Variants in P4HA2 observed in about 807,000 individuals in gnomAD.
P4HA2 encodes the protein prolyl 4-hydroxylase subunit alpha-2.
A neutral mutation model predicts 76.9 loss-of-function variants in P4HA2; 46 were observed. The observed-to-expected ratio is 0.60, with a 90% CI of 0.47 to 0.76. The LOEUF is 0.76. Among genes scored for constraint, P4HA2 ranks in the 30% least tolerant of loss-of-function variants. The pLI is 0.00. For synonymous variants in P4HA2, 243 were observed against 254.0 expected, an observed-to-expected ratio of 0.96 and a Z score of 0.41; for missense variants, 583 against 669.4, an observed-to-expected ratio of 0.87 and a Z score of 1.42.
chr5:132,195,229 T>G (rs1459222311), intron 13 of P4HA2, 183 bp downstream of exon 13: 4 of 646,426 alleles, frequency 6.2e-6, no homozygotes, highest in South Asian at 5.5e-5. Context: ...CACCCGCCCC[T>G]GAAGGGACTT....
intron 8 of P4HA2, 130 bp from the exon 9 acceptor site, chr5:132,204,282 T>A: frequency 1.4e-6 from 1 of 738,900 alleles, no homozygotes; most frequent in Non-Finnish European, 2.3e-6. Flanking sequence ...CCAATGGCTC[T>A]AGCCAAGGCC....
At chr5:132,211,034 AACAG>A (rs1299515708) in intron 5 of P4HA2, among the ~76,000 whole-genome samples, 1 of 152,250 alleles carries the variant, frequency 6.6e-6, no homozygotes, top group African/African-American at 2.4e-5. Flanking sequence ...ACCCAGAAAG[AACAG>A]ACAATGAATA....
chr5:132,209,170 C>T lies in P4HA2; in HGVS notation c.871G>A (p.Glu291Lys), dbSNP rs758872875. 1.2e-5 allele frequency: 19 copies of T among 1,613,816 alleles called. No homozygotes were observed. In the East Asian group the frequency reaches 2.7e-4, roughly 23 times the overall value. Residue 291 changes from glutamate to lysine, a missense_variant, in exon 7 of 15, where the codon GAG becomes AAG. Physicochemically the swap from Glu to Lys is moderately conservative, Grantham distance 56. Transcript: ENST00000360568. Reference sequence around the variant, plus strand: ...ACACCCTCCCCACGACAGAGGCTCTCGTAAACATCCCTCTCAGGCAGGTAG... The same window carrying T: ...ACACCCTCCCCACGACAGAGGCTCTTGTAAACATCCCTCTCAGGCAGGTAG... ...VDYLPERDVY[E>K]SLCRGEGVKL... is the part of the protein sequence containing the mutation.
intron 1 of P4HA2, among the ~76,000 whole-genome samples, chr5:132,223,819 C>T (rs927340207): frequency 6.6e-6 from 1 of 152,224 alleles, no homozygotes; most frequent in Admixed American, 6.5e-5. Flanking sequence ...TCCTACATAT[C>T]TGACATCTGA....
intron 13 of P4HA2, 74 bp downstream of exon 13, chr5:132,195,338 T>C (rs1750475601): frequency 4.5e-6 from 5 of 1,105,324 alleles, no homozygotes; most frequent in East Asian, 4.7e-5. Context: ...GGCCAGGTAA[T>C]GGTACTGGGG....
Position 132,210,391 on chromosome 5 carries a change from TCCTC to T in P4HA2, c.598_601del (p.Glu200ArgfsTer62). ...CACCTGTGACTTGGTTGTGGTGGCC[TCCTC>T]CCCGGCATCAAGCTGCTTTAGCACC... On this transcript the variant is annotated frameshift_variant, in exon 6 of 15. Transcript: ENST00000360568. LOFTEE classifies it high-confidence loss of function. 1 of 1,614,054 alleles carries T rather than the reference TCCTC, an allele frequency of 6.2e-7. No homozygotes were observed. Among genetic ancestry groups the T allele is most frequent in the East Asian group, 2.2e-5 (1 of 44,876 alleles).
Position 132,192,662 on chromosome 5 carries a change from G to C in P4HA2, c.*348C>G. 1 of 206,228 alleles carries C rather than the reference G, an allele frequency of 4.8e-6. No individual in the cohort carries two copies. Among genetic ancestry groups the C allele is most frequent in the Admixed American group, 5.9e-5 (1 of 17,084 alleles). 12.8% of individuals were successfully genotyped at this position (206,228 alleles called of 1,614,324 possible). ...TTTTTTGGTAAAGCCACAATAGATA[G>C]AAATGCCATAAAAACAAACATGTAA... On this transcript the variant is annotated 3_prime_UTR_variant, in exon 15 of 15. Coordinates refer to ENST00000360568, the MANE Select transcript of P4HA2 (RefSeq NM_001017974.2).
At chr5:132,197,806 T>C (rs1750885632) in intron 12 of P4HA2, 1 of 171,834 alleles carries the variant, frequency 5.8e-6, no homozygotes, top group African/African-American at 2.4e-5. Flanking sequence ...GAATCTGGAA[T>C]TATTGCTTAA....
chr5:132,217,107 C>T (rs1485404220), intron 4 of P4HA2, 90 bp downstream of exon 4: 3 of 1,306,988 alleles, frequency 2.3e-6, no homozygotes, highest in African/African-American at 1.5e-5. Context: ...CCCACCAACA[C>T]CCAGACCCAA....
rs183783586 is a variant in P4HA2 at position 132,220,781 on chromosome 5, C to T, written c.-18-2137G>A. Among the ~76,000 whole-genome samples, 787 of 151,634 alleles carry T rather than the reference C, an allele frequency of 5.2e-3. 1 individual carries two copies. The highest frequency in any genetic ancestry group is 8.6e-3 in the Non-Finnish European group (583 of 67,562). On this transcript the variant is annotated intron_variant, in intron 1 of 14. Transcript: ENST00000360568. Reference sequence around the variant, plus strand: ...CACAGATAGGGTTTGGGCAGAGCCTCAAAGAATCACAGATGGGGTTTGGGC... The same window carrying T: ...CACAGATAGGGTTTGGGCAGAGCCTTAAAGAATCACAGATGGGGTTTGGGC...
At chr5:132,196,783 C>T (rs949949746) in intron 12 of P4HA2, among the ~76,000 whole-genome samples, 1 of 149,952 alleles carries the variant, frequency 6.7e-6, no homozygotes, top group Non-Finnish European at 1.5e-5. Flanking sequence ...ATCGCTTGAA[C>T]CTGGGAGGCA....
intron 4 of P4HA2, among the ~76,000 whole-genome samples, chr5:132,216,552 A>C (rs56006231): frequency 1.7e-4 from 26 of 152,342 alleles, no homozygotes; most frequent in Non-Finnish European, 3.5e-4. Context: ...ATGTTGCAGA[A>C]GAACATTGAA....
chr5:132,214,156 T>G, intron 4 of P4HA2, 103 bp from the exon 5 acceptor site: 1 of 1,166,918 alleles, frequency 8.6e-7, no homozygotes, highest in Middle Eastern at 2.4e-4. Context: ...GCTAGTGAAA[T>G]TTCCCCGCCC....
At chr5:132,208,713 C>G (rs958974983) in intron 7 of P4HA2, among the ~76,000 whole-genome samples, 1 of 151,966 alleles carries the variant, frequency 6.6e-6, no homozygotes, top group African/African-American at 2.4e-5. Context: ...TGGGCCTCCT[C>G]AGGAAGCACT....
chr5:132,204,965 C>T (rs557401238), intron 8 of P4HA2, among the ~76,000 whole-genome samples: 2 of 152,248 alleles, frequency 1.3e-5, no homozygotes, highest in Non-Finnish European at 2.9e-5. Flanking sequence ...TGTGGACTGT[C>T]CTCATGACCT....
chr5:132,205,491 G>A (rs976892375), intron 8 of P4HA2, among the ~76,000 whole-genome samples: 3 of 152,136 alleles, frequency 2.0e-5, no homozygotes, highest in African/African-American at 7.2e-5. Context: ...AATGTAAAAT[G>A]GATCACTGTG....
Position 132,207,751 on chromosome 5 carries a change from G to T in P4HA2, c.1037C>A (p.Ser346Tyr), listed in dbSNP as rs201876043. 4 of 1,613,876 alleles carry T rather than the reference G, an allele frequency of 2.5e-6. No individual in the cohort carries two copies. The highest frequency in any genetic ancestry group is 3.4e-6 in the Non-Finnish European group (4 of 1,179,932). ...PHIVRYYDVMSDEEIERIKEI... is the reference protein window; with the variant it reads ...PHIVRYYDVMYDEEIERIKEI... ...CTTGATCCTCTCGATTTCCTCATCA[G>T]ACATGACATCGTAGTACCTGACGAT... The change falls in exon 8 of 15, where the codon TCT becomes TAT. Residue 346 changes from serine to tyrosine, a missense_variant. By Grantham distance (144) the Ser-to-Tyr change is moderately radical. Transcript: ENST00000360568.
intron 1 of P4HA2, chr5:132,226,886 A>G (rs1239162181): frequency 6.6e-6 from 1 of 152,612 alleles, no homozygotes; most frequent in Non-Finnish European, 1.5e-5. Context: ...CTTCCACTAC[A>G]AGGCCATAAG....
At chr5:132,222,874 C>T (rs913624351) in intron 1 of P4HA2, among the ~76,000 whole-genome samples, 4 of 152,260 alleles carry the variant, frequency 2.6e-5, no homozygotes, top group African/African-American at 9.6e-5. Context: ...GCTGTTAAAA[C>T]TGACATGCAA....
Sources: allele counts gnomAD v4.1 joint callset (sites outside exome capture counted in the v4.1 genomes callset), GRCh38; gene constraint gnomAD v4.1.1; transcripts MANE v1.5; gene names NCBI Gene and HGNC (gene_info 2026-07-23, HGNC 2026-07-21).